TRPM3: variants seen among roughly 807,000 people sequenced by gnomAD.
TRPM3 encodes the protein long transient receptor potential channel 3.
In TRPM3, 77 loss-of-function variants were observed where a neutral mutation model predicts 181.2. That is an observed-to-expected ratio of 0.42 (90% confidence interval 0.35 to 0.51). TRPM3 has a LOEUF of 0.51. TRPM3 is among the 20% of genes least tolerant of loss of function. The pLI, the probability that TRPM3 is intolerant of heterozygous loss-of-function variation, is 0.01. For synonymous variants in TRPM3, 745 were observed against 796.4 expected (o/e 0.94, Z 1.09); for missense variants, 1,759 against 2,196.7 (o/e 0.80, Z 3.98).
chr9:71,275,761 T>C (rs943260196), intron 1 of TRPM3, among the ~76,000 whole-genome samples: 1 of 151,860 alleles, frequency 6.6e-6, no homozygotes, highest in Non-Finnish European at 1.5e-5. Flanking sequence ...TAGAACAAAA[T>C]AGAGAGCCCC....
rs1048306757 is a variant in TRPM3 at position 71,345,588 on chromosome 9, G to A, written c.183+101065C>T. On this transcript the variant is annotated intron_variant, in intron 1 of 24. Transcript: ENST00000357533. ...GGAACATCACACACCAGGGCCTGTCGGGGGGTGGGGGGCAAGGGGAAGGAG... is the reference window on the plus strand; with the variant it reads ...GGAACATCACACACCAGGGCCTGTCAGGGGGTGGGGGGCAAGGGGAAGGAG... 4.0e-5 allele frequency among the ~76,000 whole-genome samples: 6 copies of A among 151,880 alleles called. No homozygotes were observed. In the South Asian group the frequency reaches 6.3e-4, roughly 16 times the overall value.
At chr9:70,990,017 T>C (rs2097461708) in intron 1 of TRPM3, among the ~76,000 whole-genome samples, 1 of 152,210 alleles carries the variant, frequency 6.6e-6, no homozygotes, top group Admixed American at 6.5e-5. Flanking sequence ...GTACTGTAAA[T>C]TCTAAACTTA....
At chr9:70,671,996 C>T (rs998942201) in intron 9 of TRPM3, among the ~76,000 whole-genome samples, 1 of 150,924 alleles carries the variant, frequency 6.6e-6, no homozygotes, top group African/African-American at 2.4e-5. Context: ...TCTTGAACTC[C>T]TGACCTCAAA....
intron 1 of TRPM3, among the ~76,000 whole-genome samples, chr9:71,084,136 G>C (rs572842895): frequency 1.1e-4 from 16 of 151,948 alleles, no homozygotes; most frequent in South Asian, 2.1e-4. Context: ...TGTTGTGATA[G>C]GTACTTCCTG....
chr9:70,815,545 T>G (rs2092618494), intron 6 of TRPM3, among the ~76,000 whole-genome samples: 1 of 152,060 alleles, frequency 6.6e-6, no homozygotes, highest in African/African-American at 2.4e-5. Context: ...TTTGCCAATT[T>G]GATAGGTTAA....
intron 1 of TRPM3, among the ~76,000 whole-genome samples, chr9:71,209,696 G>C (rs927352886): frequency 3.3e-5 from 5 of 152,104 alleles, no homozygotes; most frequent in African/African-American, 1.2e-4. Context: ...TTTTTGTCTG[G>C]TCCATGAGCT....
intron 1 of TRPM3, among the ~76,000 whole-genome samples, chr9:71,010,029 T>A (rs1046765983): frequency 2.0e-5 from 3 of 152,138 alleles, no homozygotes. Flanking sequence ...GATATCCACA[T>A]GCAGAAGAAT....
intron 1 of TRPM3, among the ~76,000 whole-genome samples, chr9:71,437,238 A>G (rs2094055950): frequency 1.3e-5 from 2 of 152,222 alleles, no homozygotes; most frequent in Admixed American, 6.5e-5. Context: ...CAGCTAATAA[A>G]TGAAAAAGGA....
At chr9:70,665,242 A>G (rs2061686506) in intron 9 of TRPM3, among the ~76,000 whole-genome samples, 1 of 152,050 alleles carries the variant, frequency 6.6e-6, no homozygotes, top group African/African-American at 2.4e-5. Context: ...TTTCCTGTGT[A>G]AGATCTCACT....
At chr9:70,932,817 A>G (rs1429438876) in intron 1 of TRPM3, among the ~76,000 whole-genome samples, 2 of 152,196 alleles carry the variant, frequency 1.3e-5, no homozygotes, top group Non-Finnish European at 2.9e-5. Context: ...TGTGGTGGAA[A>G]GTGGAGGTGT....
intron 1 of TRPM3, among the ~76,000 whole-genome samples, chr9:71,015,298 C>T (rs948301183): frequency 2.0e-5 from 3 of 152,190 alleles, no homozygotes; most frequent in African/African-American, 7.2e-5. Flanking sequence ...CACTGAGCAC[C>T]TACCTTGTAC....
chr9:71,056,127 C>A (rs1285854009), intron 1 of TRPM3, among the ~76,000 whole-genome samples: 1 of 151,954 alleles, frequency 6.6e-6, no homozygotes, highest in Non-Finnish European at 1.5e-5. Flanking sequence ...GCATGATTCA[C>A]AACAAGTTTA....
rs74525256 is a variant in TRPM3, at chr9:70,573,687, C to A, written c.3223+17344G>T. Among the ~76,000 whole-genome samples the A allele has an allele frequency of 5.6e-3, 839 of 150,878 alleles. 7 individuals are homozygous for A. Among genetic ancestry groups the A allele is most frequent in the African/African-American group, 0.018 (740 of 41,128 alleles). On this transcript the variant is annotated intron_variant, in intron 22 of 25. Transcript: ENST00000677713. ...TTTCCCAAAAAAAAGGTAAAGTTTT[C>A]AAAAAAAAACCCTTGAATTTCCAAG... is the stretch of plus-strand genomic sequence containing the variant.
At chr9:71,277,483 G>T (rs2084310249) in intron 1 of TRPM3, among the ~76,000 whole-genome samples, 1 of 152,058 alleles carries the variant, frequency 6.6e-6, no homozygotes. Context: ...AAGGCAACAG[G>T]TATCAGTTGA....
At chr9:70,621,698 T>C (rs1197070974) in intron 14 of TRPM3, among the ~76,000 whole-genome samples, 1 of 152,110 alleles carries the variant, frequency 6.6e-6, no homozygotes, top group Non-Finnish European at 1.5e-5. Context: ...AAACAGGTAA[T>C]AGAAGAACAC....
At position 70,974,863 on chromosome 9, in the gene TRPM3, A is replaced by ATTTTTTTTTT. The variant is rs1177545043; in HGVS notation, c.178-110362_178-110353dup. On this transcript the variant is annotated intron_variant, in intron 1 of 25. Transcript: ENST00000677713. ...GTTCCACAGGAGTGATGGAACATCA[A>ATTTTTTTTTT]TTTTTTTTTTTTTTTTTTTTGAGGT... Among the ~76,000 whole-genome samples, 214 of 117,934 alleles carry ATTTTTTTTTT rather than the reference A, an allele frequency of 1.8e-3. 11 individuals carry two copies. Among genetic ancestry groups the ATTTTTTTTTT allele is most frequent in the African/African-American group, 5.8e-3 (184 of 31,648 alleles). 77.4% of individuals were successfully genotyped at this position (117,934 alleles called of 152,430 possible).
intron 1 of TRPM3, among the ~76,000 whole-genome samples, chr9:71,201,998 T>G (rs2078827469): frequency 6.6e-6 from 1 of 152,212 alleles, no homozygotes; most frequent in Non-Finnish European, 1.5e-5. Flanking sequence ...GATGTACAGA[T>G]GGGTTTTTGG....
intron 1 of TRPM3, among the ~76,000 whole-genome samples, chr9:71,005,106 C>A (rs1391766782): frequency 2.0e-5 from 3 of 152,078 alleles, no homozygotes; most frequent in Admixed American, 2.0e-4. Context: ...AGAAAGGCAA[C>A]AGCATTAAGA....
At chr9:70,746,764 A>G (rs1411919640) in intron 8 of TRPM3, among the ~76,000 whole-genome samples, 1 of 152,184 alleles carries the variant, frequency 6.6e-6, no homozygotes, top group Non-Finnish European at 1.5e-5. Flanking sequence ...AACACATGGG[A>G]ATTATCACTC....
Sources: allele counts gnomAD v4.1 joint callset (sites outside exome capture counted in the v4.1 genomes callset), GRCh38; gene constraint gnomAD v4.1.1; transcripts MANE v1.5; gene names NCBI Gene and HGNC (gene_info 2026-07-23, HGNC 2026-07-21).